EYA1: variants seen among roughly 807,000 people sequenced by gnomAD.
EYA1 encodes the protein EYA transcriptional coactivator and phosphatase 1.
A neutral mutation model predicts 82.0 loss-of-function variants in EYA1; 16 were observed. That is an observed-to-expected ratio of 0.20 (90% CI 0.13 to 0.30). The LOEUF is 0.30. Among genes scored for constraint, EYA1 ranks in the 10% least tolerant of loss-of-function variants. EYA1 has a pLI of 1.00. For synonymous variants in EYA1, 261 were observed against 264.4 expected (o/e 0.99, Z 0.12); for missense variants, 633 against 730.7 (o/e 0.87, Z 1.54).
At position 71,198,635 on chromosome 8, in the gene EYA1, C is replaced by G. The variant is rs79700717; in HGVS notation, c.*705G>C. The G allele has an allele frequency of 6.5e-6, 1 of 152,754 alleles. No individual in the cohort carries two copies. The highest frequency in any genetic ancestry group is 2.1e-4 in the South Asian group (1 of 4,834). The allele number at this position is 152,754 out of a possible 1,614,324, so 9.5% of individuals were successfully genotyped here. ...AAAAATTCTTTCTGTACATGATTGT[C>G]TCAGTGATGTACATATTATACGTTT... On this transcript the variant is annotated 3_prime_UTR_variant, in exon 18 of 18. Coordinates refer to ENST00000340726, the MANE Select transcript of EYA1 (RefSeq NM_000503.6).
chr8:71,265,038 T>C (rs1392487873), intron 11 of EYA1, among the ~76,000 whole-genome samples: 1 of 152,236 alleles, frequency 6.6e-6, no homozygotes, highest in Non-Finnish European at 1.5e-5. Flanking sequence ...TCTACTTGAA[T>C]TCAAATCCGA....
At chr8:71,316,348 T>C (rs570862423) in intron 7 of EYA1, among the ~76,000 whole-genome samples, 1 of 152,254 alleles carries the variant, frequency 6.6e-6, no homozygotes, top group African/African-American at 2.4e-5. Flanking sequence ...TGTCAAATAG[T>C]AGGGAACTAG....
chr8:71,489,588 C>T (rs1810836837), intron 2 of EYA1, among the ~76,000 whole-genome samples: 1 of 152,160 alleles, frequency 6.6e-6, no homozygotes, highest in Non-Finnish European at 1.5e-5. Context: ...TGTTTTTGAA[C>T]AGTTCTAGGT....
chr8:71,213,631 T>G (rs906156318), intron 16 of EYA1, among the ~76,000 whole-genome samples: 1 of 152,214 alleles, frequency 6.6e-6, no homozygotes, highest in Non-Finnish European at 1.5e-5. Flanking sequence ...CATCAGTCAT[T>G]CTCAAACTCC....
intron 1 of EYA1, among the ~76,000 whole-genome samples, chr8:71,360,603 A>G (rs571515189): frequency 6.6e-6 from 1 of 152,350 alleles, no homozygotes; most frequent in Non-Finnish European, 1.5e-5. Context: ...GCATGCAGAA[A>G]GTCAAATATC....
chr8:71,414,594 T>C (rs558034260), intron 2 of EYA1, among the ~76,000 whole-genome samples: 13 of 152,304 alleles, frequency 8.5e-5, no homozygotes, highest in Admixed American at 4.6e-4. Flanking sequence ...CTCTGAGAGA[T>C]GAAAGTGGGC....
At chr8:71,381,437 T>C (rs773605396) in intron 2 of EYA1, among the ~76,000 whole-genome samples, 57 of 152,064 alleles carry the variant, frequency 3.7e-4, no homozygotes, top group African/African-American at 4.8e-5. Context: ...CAAAAGGAGA[T>C]GAAACGCCGG....
In EYA1 at chr8:71,354,798, A is replaced by G; in HGVS notation, c.108T>C (p.Thr36=). 1 of 1,613,450 alleles carries G rather than the reference A, an allele frequency of 6.2e-7. No homozygotes were observed. The highest frequency in any genetic ancestry group is 2.2e-5 in the East Asian group (1 of 44,832). ...GNSHINSNSM[T]PNGTEVKTEP... ...GACACTCACCTTCGGTGCCATTGGG[A>G]GTCATGGAATTACTATTTATATGAG... is the stretch of plus-strand genomic sequence containing the variant. The change falls in exon 3 of 18, where the codon ACT becomes ACC. Residue 36 remains threonine, a synonymous_variant. Transcript: ENST00000340726.
intron 6 of EYA1, among the ~76,000 whole-genome samples, chr8:71,320,657 G>A (rs894377531): frequency 3.3e-5 from 5 of 152,028 alleles, no homozygotes; most frequent in African/African-American, 9.6e-5. Context: ...TGCTGAAGTC[G>A]TACATAATTT....
chr8:71,380,248 G>A (rs1178271561), intron 2 of EYA1, among the ~76,000 whole-genome samples: 1 of 152,126 alleles, frequency 6.6e-6, no homozygotes, highest in Non-Finnish European at 1.5e-5. Flanking sequence ...TGCATGGTTT[G>A]CAATATTGAC....
At chr8:71,350,303 C>T (rs1826177022) in intron 3 of EYA1, among the ~76,000 whole-genome samples, 1 of 152,048 alleles carries the variant, frequency 6.6e-6, no homozygotes, top group African/African-American at 2.4e-5. Context: ...TTGGATAGCA[C>T]TATATTTTAC....
intron 2 of EYA1, among the ~76,000 whole-genome samples, chr8:71,400,733 C>T (rs7820692): frequency 0.025 from 3,743 of 152,222 alleles, 54 homozygotes; most frequent in Middle Eastern, 0.058. Context: ...TGTGGCAATT[C>T]CTCAAAGACC....
chr8:71,342,068 T>C (rs1231430494), intron 3 of EYA1, among the ~76,000 whole-genome samples: 2 of 152,310 alleles, frequency 1.3e-5, no homozygotes, highest in East Asian at 3.9e-4. Flanking sequence ...CTCAGTTTCC[T>C]AACATATGCA....
At position 71,341,285 on chromosome 8, in the gene EYA1, T is replaced by C. The variant is rs117949021; in HGVS notation, c.125-7111A>G. Among the ~76,000 whole-genome samples, 92 of 152,306 alleles carry C rather than the reference T, an allele frequency of 6.0e-4. 1 individual carries two copies. In the East Asian group the frequency reaches 0.016, roughly 27 times the overall value. ...TTTATAAAGCAACACAATTATGCTG[T>C]AGAGGATCACAAAAGCACAACCATG... is the stretch of plus-strand genomic sequence containing the variant. On this transcript the variant is annotated intron_variant, in intron 3 of 17. Transcript: ENST00000340726.
intron 4 of EYA1, among the ~76,000 whole-genome samples, chr8:71,329,614 A>C (rs1381366509): frequency 6.6e-6 from 1 of 152,196 alleles, no homozygotes; most frequent in African/African-American, 2.4e-5. Flanking sequence ...ATTTTGAGTC[A>C]CTTCGGAGGA....
intron 2 of EYA1, among the ~76,000 whole-genome samples, chr8:71,376,503 A>C (rs1416152959): frequency 1.3e-5 from 2 of 152,142 alleles, no homozygotes; most frequent in African/African-American, 4.8e-5. Flanking sequence ...ACTATAGGAG[A>C]GCAAAATAGA....
At chr8:71,258,191 A>G (rs774983351) in intron 11 of EYA1, among the ~76,000 whole-genome samples, 1 of 152,202 alleles carries the variant, frequency 6.6e-6, no homozygotes. Flanking sequence ...GAAGGCAGAA[A>G]TTTTGGCTAG....
At chr8:71,535,504 G>A (rs1190271193) in intron 2 of EYA1, among the ~76,000 whole-genome samples, 1 of 152,100 alleles carries the variant, frequency 6.6e-6, no homozygotes, top group Non-Finnish European at 1.5e-5. Context: ...TAATACTAAA[G>A]GTTAGGTTTT....
upstream of EYA1, among the ~76,000 whole-genome samples, chr8:71,366,418 C>T (rs765752231): frequency 5.3e-5 from 8 of 152,128 alleles, no homozygotes; most frequent in African/African-American, 1.4e-4. Context: ...TTTGCTTTCT[C>T]GCGCTGTGAA....
Sources: allele counts gnomAD v4.1 joint callset (sites outside exome capture counted in the v4.1 genomes callset), GRCh38; gene constraint gnomAD v4.1.1; transcripts MANE v1.5; gene names NCBI Gene and HGNC (gene_info 2026-07-23, HGNC 2026-07-21).